CHGA: variants seen among roughly 807,000 people sequenced by gnomAD.
CHGA encodes chromogranin A, also known as chromogranin-A.
A neutral mutation model predicts 54.4 loss-of-function variants in CHGA; 41 were observed. That is an observed-to-expected ratio of 0.75 (90% CI 0.59 to 0.98). The LOEUF is 0.98. CHGA is among the 50% of genes least tolerant of loss of function. CHGA has a pLI of 0.00. For synonymous variants in CHGA, 249 were observed against 232.8 expected (o/e 1.07, Z -0.63); for missense variants, 576 against 582.3 (o/e 0.99, Z 0.11).
Position 92,932,273 on chromosome 14 carries a change from G to C in CHGA, c.809-97G>C. On this transcript the variant is annotated intron_variant, in intron 6 of 7. Transcript: ENST00000216492. This position sits in a 1 kb window ranked among gnomAD's most constrained non-coding sequence, Gnocchi z 5.3. ...AAGCGTCATCACTGTGGAGAGGCTG[G>C]GCTGTGGCCGCAGCAGAGGCCCCCA... The C allele has an allele frequency of 7.0e-7, 1 of 1,432,482 alleles. No homozygotes were observed. The highest frequency in any genetic ancestry group is 1.4e-5 in the African/African-American group (1 of 69,842). 88.7% of individuals were successfully genotyped at this position (1,432,482 alleles called of 1,614,324 possible).
In CHGA at chr14:92,932,559, C is replaced by T. The variant is rs1381855005; in HGVS notation, c.998C>T (p.Ser333Phe). The T allele has an allele frequency of 6.4e-7, 1 of 1,557,434 alleles. No individual in the cohort carries two copies. Among genetic ancestry groups the T allele is most frequent in the East Asian group, 2.4e-5 (1 of 42,002 alleles). Residue 333 changes from serine (S) to phenylalanine (F), a missense_variant, in exon 7 of 8, where the codon TCC becomes TTC. Transcript: ENST00000216492. The surrounding 1 kb of genome is among the most constrained non-coding windows in gnomAD (Gnocchi z 5.3). The stretch of plus-strand genomic sequence containing the variant: ...CTGGAGCAGGAGGAGGAGCGGCTCT[C>T]CAAGGAGTGGGAGGACTCCAAACGC... The part of the protein sequence containing the change: ...GELEQEEERL[S>F]KEWEDSKRWS...
chr14:92,927,579 C>T lies in CHGA; in HGVS notation c.217C>T (p.Gln73Ter). Residue 73 changes from glutamine (Q) to a stop codon, truncating the protein, a stop_gained, in exon 4 of 8, where the codon CAG becomes TAG. Transcript: ENST00000216492. LOFTEE classifies it high-confidence loss of function. Reference sequence around the variant, plus strand: ...ACGGATCCTTTCCATTCTGAGACATCAGAATTTACTGAAGGAGCTCCAAGA... The same window carrying T: ...ACGGATCCTTTCCATTCTGAGACATTAGAATTTACTGAAGGAGCTCCAAGA... ...DERILSILRH[Q>*]NLLKELQDLA... is the part of the protein sequence containing the mutation. The T allele has an allele frequency of 6.2e-7, 1 of 1,613,770 alleles. No individual in the cohort carries two copies.
chr14:92,932,377 G>A lies in CHGA; in HGVS notation c.816G>A (p.Ser272=), dbSNP rs772213323. ...GCCCACCACCTGCTCCAGGTCGGTC[G>A]GAGGCTCTGGCTGTGGATGGAGCTG... ...YKEIRKGESR[S]EALAVDGAGK... is the part of the protein sequence containing the mutation. Residue 272 remains serine (S), a synonymous_variant, in exon 7 of 8, where the codon TCG becomes TCA. Transcript: ENST00000216492. This position sits in a 1 kb window ranked among gnomAD's most constrained non-coding sequence, Gnocchi z 5.3. 6.3e-6 allele frequency: 10 copies of A among 1,582,268 alleles called. No homozygotes were observed. The highest frequency in any genetic ancestry group is 2.3e-5 in the South Asian group (2 of 86,182).
chr14:92,923,412 G>T lies in CHGA; in HGVS notation c.46+7G>T. On this transcript the variant is annotated splice_region_variant and intron_variant, in intron 1 of 7. Transcript: ENST00000216492. Reference sequence around the variant, plus strand: ...CTGCTCTGCGCCGGGCAAGGTGAGCGAGCGCGGGGAGCTCGCGGGAGAGGG... The same window carrying T: ...CTGCTCTGCGCCGGGCAAGGTGAGCTAGCGCGGGGAGCTCGCGGGAGAGGG... The T allele has an allele frequency of 7.9e-7, 1 of 1,257,864 alleles. No homozygotes were observed. The highest frequency in any genetic ancestry group is 3.0e-5 in the South Asian group (1 of 33,164). The allele number at this position is 1,257,864 out of a possible 1,614,324, so 77.9% of individuals were successfully genotyped here.
intron 2 of CHGA, chr14:92,926,119 ACCT>A: frequency 6.3e-6 from 1 of 159,216 alleles, no homozygotes; most frequent in Non-Finnish European, 1.4e-5. Flanking sequence ...GGAGACAGTA[ACCT>A]ACATCCTATT....
intron 7 of CHGA, 26 bp from the exon 8 acceptor site, chr14:92,934,775 C>T (rs369835117): frequency 8.4e-6 from 13 of 1,553,258 alleles, no homozygotes; most frequent in East Asian, 4.8e-5. Context: ...CAGGCTGGCC[C>T]GAGTGAACCC....
chr14:92,923,962 C>A (rs1475795801), intron 1 of CHGA, among the ~76,000 whole-genome samples: 2 of 152,218 alleles, frequency 1.3e-5, no homozygotes, highest in East Asian at 3.9e-4. Context: ...CACACCCGCT[C>A]CAGAGCAAGA....
chr14:92,925,223 C>T (rs1886864307), intron 2 of CHGA, among the ~76,000 whole-genome samples: 1 of 152,132 alleles, frequency 6.6e-6, no homozygotes, highest in African/African-American at 2.4e-5. Context: ...CATAATAGGT[C>T]CTCAGTAAAT....
intron 2 of CHGA, among the ~76,000 whole-genome samples, chr14:92,925,137 C>A (rs946916591): frequency 1.3e-5 from 2 of 152,184 alleles, no homozygotes; most frequent in African/African-American, 2.4e-5. Flanking sequence ...CTTAATTTCT[C>A]TGAGCTCCGC....
intron 7 of CHGA, chr14:92,933,077 G>T (rs1887046718): frequency 1.8e-6 from 1 of 567,646 alleles, no homozygotes; most frequent in Non-Finnish European, 2.8e-6. Context: ...AGGTCAGCCT[G>T]TGGCAGCGGG....
Position 92,934,984 on chromosome 14 carries a change from A to AC in CHGA, c.*100_*101insC. The AC allele has an allele frequency of 1.9e-6, 2 of 1,027,964 alleles. No homozygotes were observed. The highest frequency in any genetic ancestry group is 2.7e-6 in the Non-Finnish European group (2 of 727,504). The allele number at this position is 1,027,964 out of a possible 1,614,324, so 63.7% of individuals were successfully genotyped here. A position where few individuals can be genotyped will look rare whatever the true frequency, so the allele number is the denominator to read the frequency against. Reference sequence around the variant, plus strand: ...AGATGGCCCGGATGCTGCTTCCGGTAGGGAGGCAGCCTCCAGCCTGCCCAA... The same window carrying AC: ...AGATGGCCCGGATGCTGCTTCCGGTACGGGAGGCAGCCTCCAGCCTGCCCAA... On this transcript the variant is annotated 3_prime_UTR_variant, in exon 8 of 8. Transcript: ENST00000216492.
At chr14:92,934,312 C>T (rs981804008) in intron 7 of CHGA, among the ~76,000 whole-genome samples, 1 of 152,234 alleles carries the variant, frequency 6.6e-6, no homozygotes, top group African/African-American at 2.4e-5. Context: ...AAGCCCAGCC[C>T]TAGGCAGGCT....
chr14:92,923,983 G>A (rs1363374519), intron 1 of CHGA, among the ~76,000 whole-genome samples: 1 of 152,236 alleles, frequency 6.6e-6, no homozygotes, highest in Admixed American at 6.5e-5. Context: ...GTTTCCAAAG[G>A]GGGAGGGGGA....
chr14:92,931,287 G>C lies in CHGA; in HGVS notation c.393G>C (p.Glu131Asp). The change falls in exon 6 of 8, where the codon GAG becomes GAC. Residue 131 changes from glutamate to aspartate, a missense_variant. Glu to Asp is a conservative substitution (Grantham distance 45). Transcript: ENST00000216492. ...VEEPSSKDVM[E>D]KREDSKEAEK... is the part of the protein sequence containing the mutation. ...AGCCATCATCCAAGGATGTTATGGAGAAAAGAGAGGATTCCAAGGAGGCAG... is the reference window on the plus strand; with the variant it reads ...AGCCATCATCCAAGGATGTTATGGACAAAAGAGAGGATTCCAAGGAGGCAG... 1 of 1,613,572 alleles carries C rather than the reference G, an allele frequency of 6.2e-7. No individual in the cohort carries two copies. The highest frequency in any genetic ancestry group is 2.2e-5 in the East Asian group (1 of 44,886).
chr14:92,930,467 C>T (rs1212200140), intron 5 of CHGA, among the ~76,000 whole-genome samples: 1 of 152,214 alleles, frequency 6.6e-6, no homozygotes, highest in Admixed American at 6.5e-5. Context: ...AGGGAAAGCC[C>T]GCAAGTGAAG....
intron 1 of CHGA, among the ~76,000 whole-genome samples, chr14:92,923,804 T>C (rs1886834791): frequency 6.6e-6 from 1 of 152,152 alleles, no homozygotes; most frequent in Non-Finnish European, 1.5e-5. Flanking sequence ...CCTTGACTTC[T>C]ACTTCTCCAT....
chr14:92,926,815 C>CTGGACATGA, intron 3 of CHGA, 117 bp downstream of exon 3: 1 of 849,556 alleles, frequency 1.2e-6, no homozygotes, highest in South Asian at 1.5e-5. Context: ...GACTGAGTGC[C>CTGGACATGA]CGTCATGTCC....
intron 2 of CHGA, 73 bp downstream of exon 2, chr14:92,924,318 C>A: frequency 5.4e-6 from 8 of 1,472,368 alleles, no homozygotes; most frequent in Non-Finnish European, 6.4e-6. Flanking sequence ...TGGGCAGCTG[C>A]AGGAGTAAGT....
At chr14:92,925,113 C>A (rs1338950063) in intron 2 of CHGA, among the ~76,000 whole-genome samples, 2 of 152,224 alleles carry the variant, frequency 1.3e-5, no homozygotes, top group African/African-American at 4.8e-5. Context: ...AGCTGTGTGA[C>A]CTTGGGAAAA....
Sources: allele counts gnomAD v4.1 joint callset (sites outside exome capture counted in the v4.1 genomes callset), GRCh38; gene constraint gnomAD v4.1.1; non-coding constraint Gnocchi (gnomAD v3.1); transcripts MANE v1.5; gene names NCBI Gene and HGNC (gene_info 2026-07-23, HGNC 2026-07-21).